SF3B3: variants seen among roughly 807,000 people sequenced by gnomAD.
SF3B3 encodes splicing factor 3b subunit 3.
SF3B3 carries 33 observed loss-of-function variants against 139.2 expected under a neutral mutation model. That is an observed-to-expected ratio of 0.24 (90% CI 0.18 to 0.32). The LOEUF (loss-of-function observed/expected upper bound fraction) is 0.32, where lower values mean the gene tolerates loss of function less well. SF3B3 is among the 10% of genes least tolerant of loss of function. SF3B3 has a pLI of 1.00. For synonymous variants in SF3B3, 596 were observed against 563.6 expected (o/e 1.06, Z -0.81); for missense variants, 818 against 1,509.4 (o/e 0.54, Z 7.59).
In SF3B3 at chr16:70,576,028, G is replaced by C. The variant is rs1450388858; in HGVS notation, c.*4215G>C. On this transcript the variant is annotated 3_prime_UTR_variant, in exon 26 of 26. Coordinates refer to ENST00000302516, the MANE Select transcript of SF3B3 (RefSeq NM_012426.5). ...AGCCCAGAAGTTTAAGACCAGCCTA[G>C]GAAACAGACCCCATCTCTACAAAAA... 6.6e-6 allele frequency: 1 copy of C among 151,972 alleles called. No homozygotes were observed. Among genetic ancestry groups the C allele is most frequent in the Non-Finnish European group, 1.5e-5 (1 of 68,036 alleles). The allele number at this position is 151,972 out of a possible 1,614,324, so 9.4% of individuals were successfully genotyped here.
chr16:70,529,221 C>A (rs748323426), intron 3 of SF3B3, 22 bp downstream of exon 3: 2 of 1,575,990 alleles, frequency 1.3e-6, no homozygotes, highest in Admixed American at 1.7e-5. Flanking sequence ...ACTCTACTTG[C>A]TGTATATGCC....
At position 70,577,421 on chromosome 16, in the gene SF3B3, G is replaced by C. The variant is rs971922329; in HGVS notation, c.*5608G>C. On this transcript the variant is annotated 3_prime_UTR_variant, in exon 26 of 26. Transcript: ENST00000302516. ...CTGCCCTCCCACTAGCTGCCCAACG[G>C]ATGAATCAACGCCTTGGCAGAGTTT... 2 of 152,382 alleles carry C rather than the reference G, an allele frequency of 1.3e-5. No homozygotes were observed. The highest frequency in any genetic ancestry group is 4.8e-5 in the African/African-American group (2 of 41,450). The allele number at this position is 152,382 out of a possible 1,614,324, so 9.4% of individuals were successfully genotyped here. A position where few individuals can be genotyped will look rare whatever the true frequency, so the allele number is the denominator to read the frequency against.
In SF3B3 at chr16:70,555,239, T is replaced by C. The variant is rs145174639; in HGVS notation, c.1710+33T>C. 93 of 1,592,788 alleles carry C rather than the reference T, an allele frequency of 5.8e-5. No individual in the cohort carries two copies. The East Asian group carries it at 6.9e-4, about 12-fold the overall frequency. ...ATTTTATCATTCACTGTGGGACTTA[T>C]TGTAGGGACCAGAGGGAAAGATGGG... On this transcript the variant is annotated intron_variant, in intron 13 of 25. Coordinates refer to ENST00000302516, the MANE Select transcript of SF3B3 (RefSeq NM_012426.5).
Position 70,554,466 on chromosome 16 carries a change from A to G in SF3B3, c.1423A>G (p.Ile475Val). ...TTCAGATGAGTTTGATGCCTACATC[A>G]TTGTGTCTTTCGTGAATGCCACCCT... ...HIEDEFDAYI[I>V]VSFVNATLVL... The change falls in exon 12 of 26, where the codon ATT (isoleucine) becomes GTT (valine). Residue 475 changes from isoleucine (I) to valine (V), a missense_variant. Ile to Val is a conservative substitution (Grantham distance 29). Around this residue, in one of 14 missense-constraint regions of SF3B3, gnomAD observed 31 missense variants for 77.3 expected, o/e 0.40. Transcript: ENST00000302516. 1 of 1,614,188 alleles carries G rather than the reference A, an allele frequency of 6.2e-7. No homozygotes were observed. Among genetic ancestry groups the G allele is most frequent in the Non-Finnish European group, 8.5e-7 (1 of 1,180,018 alleles).
Position 70,528,961 on chromosome 16 carries a change from A to G in SF3B3, c.159A>G (p.Leu53=), listed in dbSNP as rs35825785. Reference sequence around the variant, plus strand: ...CCAACACTGGCAAAGTACATACCCTACTCACTGTGGAAGTATTCGGTGTTA... The same window carrying G: ...CCAACACTGGCAAAGTACATACCCTGCTCACTGTGGAAGTATTCGGTGTTA... The part of the protein sequence containing the change: ...PDPNTGKVHT[L]LTVEVFGVIR... Residue 53 remains leucine (L), a synonymous_variant, in exon 3 of 26, where the codon CTA becomes CTG. Coordinates refer to ENST00000302516, the MANE Select transcript of SF3B3 (RefSeq NM_012426.5). The G allele has an allele frequency of 1.2e-6, 2 of 1,613,772 alleles. No individual in the cohort carries two copies. Among genetic ancestry groups the G allele is most frequent in the South Asian group, 2.2e-5 (2 of 91,058 alleles).
At chr16:70,537,763 T>C (rs1216952204) in intron 6 of SF3B3, among the ~76,000 whole-genome samples, 2 of 152,094 alleles carry the variant, frequency 1.3e-5, no homozygotes, top group Admixed American at 6.5e-5. Context: ...GTGGGAGAAA[T>C]AGAAACTGTT....
rs957531090 is a variant in SF3B3, at chr16:70,574,643, T to C, written c.*2830T>C. On this transcript the variant is annotated 3_prime_UTR_variant, in exon 26 of 26. Transcript: ENST00000302516. ...CCAAATAGCTGGAACTACAGGCATGTGCCATCACGTCCAGCTAATTTTTGT... is the reference window on the plus strand; with the variant it reads ...CCAAATAGCTGGAACTACAGGCATGCGCCATCACGTCCAGCTAATTTTTGT... 3.9e-5 allele frequency: 6 copies of C among 152,224 alleles called. No homozygotes were observed. The highest frequency in any genetic ancestry group is 1.4e-4 in the African/African-American group (6 of 41,456). The allele number at this position is 152,224 out of a possible 1,614,324, so 9.4% of individuals were successfully genotyped here.
rs1478879780 is a variant in SF3B3 at position 70,575,988 on chromosome 16, C to G, written c.*4175C>G. The G allele has an allele frequency of 1.3e-5, 2 of 152,106 alleles. No homozygotes were observed. The highest frequency in any genetic ancestry group is 4.8e-5 in the African/African-American group (2 of 41,408). 9.4% of individuals were successfully genotyped at this position (152,106 alleles called of 1,614,324 possible). A position where few individuals can be genotyped will look rare whatever the true frequency, so the allele number is the denominator to read the frequency against. On this transcript the variant is annotated 3_prime_UTR_variant, in exon 26 of 26. Coordinates refer to ENST00000302516, the MANE Select transcript of SF3B3 (RefSeq NM_012426.5). ...TCCCAGCACTTTGGGCGGCCAGAGGCAGGCAGATTGCTTGAGCCCAGAAGT... is the reference window on the plus strand; with the variant it reads ...TCCCAGCACTTTGGGCGGCCAGAGGGAGGCAGATTGCTTGAGCCCAGAAGT...
chr16:70,543,551 T>C (rs1415656233), intron 9 of SF3B3, among the ~76,000 whole-genome samples: 1 of 150,002 alleles, frequency 6.7e-6, no homozygotes, highest in African/African-American at 2.5e-5. Flanking sequence ...CTACTAAAAA[T>C]AAAAAAACTA....
chr16:70,551,477 T>C (rs1342955553), intron 11 of SF3B3, among the ~76,000 whole-genome samples: 2 of 152,132 alleles, frequency 1.3e-5, no homozygotes, highest in African/African-American at 4.8e-5. Flanking sequence ...CTGAGGTGGA[T>C]GGATCACCTG....
chr16:70,556,482 A>G lies in SF3B3; in HGVS notation c.1866+148A>G, dbSNP rs762747914. ...ATCCATACCTGCTGCTTCTCTTGTCATTGCAGTGTGTTTCAGGAGTTTCCT... is the reference window on the plus strand; with the variant it reads ...ATCCATACCTGCTGCTTCTCTTGTCGTTGCAGTGTGTTTCAGGAGTTTCCT... On this transcript the variant is annotated intron_variant, in intron 14 of 25. Coordinates refer to ENST00000302516, the MANE Select transcript of SF3B3 (RefSeq NM_012426.5). 6.9e-5 allele frequency: 56 copies of G among 807,046 alleles called. No individual in the cohort carries two copies. In the Middle Eastern group the frequency reaches 1.4e-3, roughly 20 times the overall value. The allele number at this position is 807,046 out of a possible 1,614,324, so 50.0% of individuals were successfully genotyped here.
intron 8 of SF3B3, among the ~76,000 whole-genome samples, chr16:70,539,548 C>CA (rs139174233): frequency 0.4 from 59,943 of 149,828 alleles, 12,297 homozygotes; most frequent in South Asian, 0.65. Flanking sequence ...AACTCTCTCT[C>CA]AAAAAAAAAA....
At chr16:70,568,818 C>A (rs1315280226) in intron 22 of SF3B3, among the ~76,000 whole-genome samples, 1 of 152,022 alleles carries the variant, frequency 6.6e-6, no homozygotes, top group East Asian at 1.9e-4. Flanking sequence ...TTGGTTTTAC[C>A]CTTAGCTGTG....
intron 8 of SF3B3, among the ~76,000 whole-genome samples, chr16:70,539,486 T>G (rs1354614331): frequency 2.0e-5 from 3 of 152,010 alleles, no homozygotes; most frequent in Non-Finnish European, 4.4e-5. Flanking sequence ...AGGTGGAGAT[T>G]GCAGTGAGCT....
In SF3B3 at chr16:70,572,433, C is replaced by G. The variant is rs2050538097; in HGVS notation, c.*620C>G. Reference sequence around the variant, plus strand: ...ACTTGCGGCACTCTGTGGCTCCCCACCCCCAGGTCTGTGGTGGTTTCTTTG... The same window carrying G: ...ACTTGCGGCACTCTGTGGCTCCCCAGCCCCAGGTCTGTGGTGGTTTCTTTG... On this transcript the variant is annotated 3_prime_UTR_variant, in exon 26 of 26. Coordinates refer to ENST00000302516, the MANE Select transcript of SF3B3 (RefSeq NM_012426.5). The G allele has an allele frequency of 5.2e-6, 1 of 192,416 alleles. No homozygotes were observed. Among genetic ancestry groups the G allele is most frequent in the African/African-American group, 2.4e-5 (1 of 41,826 alleles). 11.9% of individuals were successfully genotyped at this position (192,416 alleles called of 1,614,324 possible).
In SF3B3 at chr16:70,523,885, A is replaced by C; in HGVS notation, c.-114A>C. ...TGGTGGTGGCTTAAGTTTTGAAGGG[A>C]GGTAGCATCCGTTGGATATCCACAC... On this transcript the variant is annotated 5_prime_UTR_variant, in exon 1 of 26. Coordinates refer to ENST00000302516, the MANE Select transcript of SF3B3 (RefSeq NM_012426.5). The C allele has an allele frequency of 2.0e-6, 1 of 490,050 alleles. No individual in the cohort carries two copies. Among genetic ancestry groups the C allele is most frequent in the Non-Finnish European group, 3.6e-6 (1 of 279,264 alleles). The allele number at this position is 490,050 out of a possible 1,614,324, so 30.4% of individuals were successfully genotyped here.
At chr16:70,555,444 A>G (rs1306421973) in intron 13 of SF3B3, among the ~76,000 whole-genome samples, 3 of 140,164 alleles carry the variant, frequency 2.1e-5, no homozygotes, top group African/African-American at 8.2e-5. Flanking sequence ...GCACCACTGC[A>G]CTCCAGCCTG....
chr16:70,538,191 A>T, intron 6 of SF3B3, 132 bp from the exon 7 acceptor site: 1 of 828,586 alleles, frequency 1.2e-6, no homozygotes, highest in Non-Finnish European at 2.1e-6. Flanking sequence ...TCTGGCTGGC[A>T]GGACACTGTG....
intron 12 of SF3B3, 53 bp downstream of exon 12, chr16:70,554,650 T>G: frequency 6.4e-7 from 1 of 1,565,600 alleles, no homozygotes; most frequent in Non-Finnish European, 8.8e-7. Context: ...TTCTTGGCCT[T>G]CATTGTGATG....
Sources: gnomAD v4.1 joint callset for allele counts (sites outside exome capture counted in the v4.1 genomes callset) on GRCh38, gnomAD v4.1.1 for gene constraint, gnomAD v4.1.1 regional missense constraint, MANE v1.5 for transcripts, NCBI Gene and HGNC (gene_info 2026-07-23, HGNC 2026-07-21) for gene names.